RBFOX1: variants seen among roughly 807,000 people sequenced by gnomAD.
The protein encoded by RBFOX1 is RNA binding fox-1 homolog 1.
In RBFOX1, 8 loss-of-function variants were observed where a neutral mutation model predicts 57.7. The ratio of observed to expected loss-of-function variants is 0.14; its 90% CI spans 0.08 to 0.25. The LOEUF (loss-of-function observed/expected upper bound fraction) is 0.25. RBFOX1 is among the 10% of genes least tolerant of loss of function. The probability of loss-of-function intolerance (pLI) is 1.00; values close to 1 mark genes in which losing one functional copy is unlikely to be tolerated. For synonymous variants in RBFOX1, 326 were observed against 222.4 expected (o/e 1.47, Z -4.15); for missense variants, 611 against 548.5 (o/e 1.11, Z -1.14).
chr16:6,757,948 A>G (rs1300568474), intron 3 of RBFOX1, among the ~76,000 whole-genome samples: 1 of 152,182 alleles, frequency 6.6e-6, no homozygotes, highest in Non-Finnish European at 1.5e-5. Context: ...AAGATTTTAA[A>G]CAATTACAAC....
At chr16:7,029,515 A>G (rs1228904178) in intron 3 of RBFOX1, among the ~76,000 whole-genome samples, 2 of 151,970 alleles carry the variant, frequency 1.3e-5, no homozygotes, top group African/African-American at 4.8e-5. Context: ...CAGAATGAAG[A>G]GAGTGCTAGC....
chr16:6,546,657 CATCTT>C (rs1396589892), intron 2 of RBFOX1, among the ~76,000 whole-genome samples: 1 of 152,202 alleles, frequency 6.6e-6, no homozygotes, highest in African/African-American at 2.4e-5. Context: ...TTACTGACCT[CATCTT>C]AATTTGATTC....
At chr16:6,348,790 C>A (rs973308679) in intron 2 of RBFOX1, among the ~76,000 whole-genome samples, 2 of 152,086 alleles carry the variant, frequency 1.3e-5, no homozygotes, top group Non-Finnish European at 2.9e-5. Context: ...CACCCTTGAT[C>A]CCATCACCTC....
In RBFOX1 at chr16:6,142,235, T is replaced by C. The variant is rs533657022; in HGVS notation, c.-127+122243T>C. Among the ~76,000 whole-genome samples, 121 of 148,754 alleles carry C rather than the reference T, an allele frequency of 8.1e-4. 3 individuals are homozygous for C. The highest frequency in any genetic ancestry group is 5.4e-3 in the Admixed American group (81 of 14,868). On this transcript the variant is annotated intron_variant, in intron 1 of 15. Transcript: ENST00000550418. ...AAAAAAATCCAACTCTTTTTTTTTT[T>C]TTTGGAGACGGAGTCTTGCTCTGTC... is the stretch of plus-strand genomic sequence containing the variant.
At chr16:5,586,529 ACT>A (rs2046833513) in intron 2 of RBFOX1, among the ~76,000 whole-genome samples, 1 of 152,084 alleles carries the variant, frequency 6.6e-6, no homozygotes, top group South Asian at 2.1e-4. Flanking sequence ...GACAGGTTTC[ACT>A]CTGTCTCCCA....
intron 3 of RBFOX1, among the ~76,000 whole-genome samples, chr16:6,756,822 A>G (rs564796999): frequency 6.6e-6 from 1 of 152,074 alleles, no homozygotes; most frequent in Non-Finnish European, 1.5e-5. Flanking sequence ...AAATACAACA[A>G]AAATTAGCCA....
intron 1 of RBFOX1, among the ~76,000 whole-genome samples, chr16:6,311,239 T>G (rs1386332164): frequency 7.4e-6 from 1 of 135,756 alleles, no homozygotes; most frequent in African/African-American, 2.8e-5. Flanking sequence ...GAGGTTGCAG[T>G]GAGCTGAGAT....
chr16:6,673,651 G>A (rs2098782121), intron 3 of RBFOX1, among the ~76,000 whole-genome samples: 1 of 152,150 alleles, frequency 6.6e-6, no homozygotes, highest in African/African-American at 2.4e-5. Context: ...GAAATATGGG[G>A]CTGACTTGCC....
intron 4 of RBFOX1, among the ~76,000 whole-genome samples, chr16:7,071,666 C>CATACAT (rs2057370255): frequency 6.6e-6 from 1 of 150,536 alleles, no homozygotes; most frequent in African/African-American, 2.4e-5. Flanking sequence ...TACATACATA[C>CATACAT]ATATATATAT....
At chr16:5,985,558 C>G (rs1325354067) in intron 4 of RBFOX1, among the ~76,000 whole-genome samples, 1 of 152,286 alleles carries the variant, frequency 6.6e-6, no homozygotes, top group African/African-American at 2.4e-5. Flanking sequence ...AGGGAAGGTT[C>G]AAACCCAGGC....
At chr16:6,507,334 G>T (rs1261436408) in intron 2 of RBFOX1, among the ~76,000 whole-genome samples, 1 of 152,058 alleles carries the variant, frequency 6.6e-6, no homozygotes, top group Non-Finnish European at 1.5e-5. Context: ...TGGGTATACA[G>T]AATGTGGTTT....
In RBFOX1 at chr16:7,271,537, C is replaced by G. The variant is rs117516897; in HGVS notation, c.27+219439C>G. On this transcript the variant is annotated intron_variant, in intron 4 of 15. Coordinates refer to ENST00000550418, the MANE Select transcript of RBFOX1 (RefSeq NM_018723.4). ...TAATTGATTTGTTTTTTTAAAGATA[C>G]GTGCATGTTAGTATAATAACTAGAA... is the stretch of plus-strand genomic sequence containing the variant. 4.6e-5 allele frequency among the ~76,000 whole-genome samples: 7 copies of G among 151,886 alleles called. No individual in the cohort carries two copies. In the East Asian group the frequency reaches 1.4e-3, roughly 29 times the overall value.
chr16:7,698,086 T>C (rs558595734), intron 14 of RBFOX1, among the ~76,000 whole-genome samples: 4 of 152,226 alleles, frequency 2.6e-5, no homozygotes, highest in African/African-American at 9.6e-5. Flanking sequence ...GACGTCTTTT[T>C]GCTGAAAGTT....
chr16:6,558,993 G>C (rs1016959439), intron 2 of RBFOX1, among the ~76,000 whole-genome samples: 2 of 152,024 alleles, frequency 1.3e-5, no homozygotes, highest in African/African-American at 4.8e-5. Flanking sequence ...CTTCCTCCAG[G>C]AAAGTCTTTC....
At chr16:6,451,228 G>C (rs919896954) in intron 2 of RBFOX1, among the ~76,000 whole-genome samples, 20 of 151,972 alleles carry the variant, frequency 1.3e-4, no homozygotes, top group Admixed American at 1.3e-3. Context: ...AGCATGTTCT[G>C]AGGTAGCCTA....
At chr16:6,098,398 TC>T (rs1388447789) in intron 1 of RBFOX1, among the ~76,000 whole-genome samples, 2 of 152,206 alleles carry the variant, frequency 1.3e-5, no homozygotes, top group African/African-American at 4.8e-5. Context: ...CTTCCTGTCC[TC>T]TCTATCAATG....
chr16:6,213,278 A>C (rs184882489), intron 1 of RBFOX1, among the ~76,000 whole-genome samples: 19 of 152,230 alleles, frequency 1.2e-4, no homozygotes, highest in Non-Finnish European at 2.4e-4. Flanking sequence ...TGGCTTTGTC[A>C]TAGGCTGTCA....
chr16:5,540,325 A>T (rs904880615), intron 2 of RBFOX1, among the ~76,000 whole-genome samples: 3 of 152,314 alleles, frequency 2.0e-5, no homozygotes, highest in Non-Finnish European at 4.4e-5. Context: ...TTTGGAAAAA[A>T]TTGGCATAGA....
At chr16:5,992,776 A>G (rs1374957806) in intron 4 of RBFOX1, among the ~76,000 whole-genome samples, 2 of 152,140 alleles carry the variant, frequency 1.3e-5, no homozygotes, top group African/African-American at 4.8e-5. Context: ...TCTGCTGAAA[A>G]TACAAAAATT....
Sources: allele counts gnomAD v4.1 joint callset (sites outside exome capture counted in the v4.1 genomes callset), GRCh38; gene constraint gnomAD v4.1.1; transcripts MANE v1.5; gene names NCBI Gene and HGNC (gene_info 2026-07-23, HGNC 2026-07-21).